The following CPSF4L variants were observed in gnomAD, a reference collection of about 807,000 sequenced individuals.
CPSF4L encodes the protein cleavage and polyadenylation specific factor 4 like.
CPSF4L carries 18 observed loss-of-function variants against 24.0 expected under a neutral mutation model. That is an observed-to-expected ratio of 0.75 (90% CI 0.52 to 1.11). The LOEUF (loss-of-function observed/expected upper bound fraction) is 1.11, where lower values mean the gene tolerates loss of function less well. Among genes scored for constraint, CPSF4L ranks in the 50% least tolerant of loss-of-function variants. CPSF4L has a pLI of 0.00. For missense variants in CPSF4L, 211 were observed against 221.8 expected, an observed-to-expected ratio of 0.95 and a Z score of 0.31; for synonymous variants, 72 against 77.2, an observed-to-expected ratio of 0.93 and a Z score of 0.35.
At chr17:73,247,758 A>G (rs528935120), downstream of CPSF4L, 4 of 163,740 alleles carry the variant, frequency 2.4e-5, no homozygotes, top group East Asian at 5.3e-4. Context: ...CACATATAGT[A>G]GGAAACAACA....
At chr17:73,248,366 C>T (rs893692396), downstream of CPSF4L, 9 of 855,136 alleles carry the variant, frequency 1.1e-5, no homozygotes, top group African/African-American at 1.5e-4. Context: ...ACGTCTCTAA[C>T]ATGATTTACC....
rs896091469 is a variant in CPSF4L at position 73,261,609 on chromosome 17, C to T, written c.103+107G>A. ...CCAGGAGGCAGAGCTTGCAATGAGCCGAGATTGTGCCACTACACTCCAGCC... is the reference window on the plus strand; with the variant it reads ...CCAGGAGGCAGAGCTTGCAATGAGCTGAGATTGTGCCACTACACTCCAGCC... On this transcript the variant is annotated intron_variant, in intron 1 of 5. Coordinates refer to ENST00000344935, the MANE Select transcript of CPSF4L (RefSeq NM_001129885.1). The T allele has an allele frequency of 1.9e-5, 15 of 777,936 alleles. No individual in the cohort carries two copies. The Admixed American group carries it at 2.7e-4, about 14-fold the overall frequency. The allele number at this position is 777,936 out of a possible 1,614,324, so 48.2% of individuals were successfully genotyped here.
chr17:73,262,263 G>A (rs926103539), upstream of CPSF4L: 6 of 155,724 alleles, frequency 3.9e-5, no homozygotes, highest in African/African-American at 1.4e-4. Context: ...AGAGCTGGGG[G>A]TGGTGGGGGT....
At chr17:73,258,642 C>T (rs59066907) in intron 2 of CPSF4L, among the ~76,000 whole-genome samples, 10,463 of 152,182 alleles carry the variant, frequency 0.069, 826 homozygotes, top group African/African-American at 0.19. Flanking sequence ...CCCACTACCA[C>T]ACCTTTGCCC....
At chr17:73,243,692 C>T (rs1478711708), downstream of CPSF4L, among the ~76,000 whole-genome samples, 2 of 152,078 alleles carry the variant, frequency 1.3e-5, no homozygotes, top group Non-Finnish European at 2.9e-5. Context: ...CCATGCCTGG[C>T]TAACTTTGTT....
downstream of CPSF4L, among the ~76,000 whole-genome samples, chr17:73,243,716 T>C (rs1483023624): frequency 6.6e-6 from 1 of 152,032 alleles, no homozygotes; most frequent in South Asian, 2.1e-4. Context: ...GTATTTTTAG[T>C]AGAGACAGGG....
At chr17:73,243,289 G>A in the CPSF4L span, 6 of 400,904 alleles carry the variant, frequency 1.5e-5, no homozygotes, top group East Asian at 2.4e-4. Flanking sequence ...CGAGTAGCTG[G>A]GATTATAGGC....
At chr17:73,262,008 G>A (rs917296757), upstream of CPSF4L, 9 of 590,718 alleles carry the variant, frequency 1.5e-5, no homozygotes, top group African/African-American at 9.3e-5. Context: ...TGCCTCACCC[G>A]GCCCACCCAG....
chr17:73,245,859 C>T (rs146850232), downstream of CPSF4L: 1 of 418,742 alleles, frequency 2.4e-6, no homozygotes, highest in Non-Finnish European at 3.2e-6. Flanking sequence ...TGTATCATCT[C>T]TTCCTGGAAA....
the CPSF4L span, chr17:73,242,368 A>T: frequency 1.5e-4 from 225 of 1,507,184 alleles, no homozygotes; most frequent in African/African-American, 2.8e-3. Flanking sequence ...CTGGAGTTTG[A>T]CTGTTGTCTT....
At chr17:73,245,358 G>A (rs897793831), downstream of CPSF4L, 2 of 1,358,634 alleles carry the variant, frequency 1.5e-6, no homozygotes. Flanking sequence ...GATACAGGAA[G>A]TAAACGTATT....
chr17:73,242,620 C>G, the CPSF4L span, among the ~76,000 whole-genome samples: 1 of 152,164 alleles, frequency 6.6e-6, no homozygotes, highest in East Asian at 1.9e-4. Context: ...TGTGCCTCCT[C>G]CCAAAGCCAG....
chr17:73,261,489 G>A (rs1471120221), intron 1 of CPSF4L, among the ~76,000 whole-genome samples: 5 of 152,036 alleles, frequency 3.3e-5, no homozygotes, highest in South Asian at 2.1e-4. Context: ...GTGAAACCCG[G>A]TCTCTACTAA....
chr17:73,247,934 C>T (rs755001108), downstream of CPSF4L: 2 of 154,344 alleles, frequency 1.3e-5, no homozygotes, highest in African/African-American at 2.4e-5. Flanking sequence ...TTGCTGCCAC[C>T]TGGGTTGGGA....
chr17:73,246,682 TG>T (rs2061954977), downstream of CPSF4L, among the ~76,000 whole-genome samples: 1 of 152,222 alleles, frequency 6.6e-6, no homozygotes, highest in Admixed American at 6.5e-5. Context: ...CCATCCCTAG[TG>T]GGAGTAATTT....
Position 73,248,481 on chromosome 17 carries a change from T to A in CPSF4L, c.*13A>T. The A allele has an allele frequency of 6.4e-7, 1 of 1,551,354 alleles. No individual in the cohort carries two copies. The highest frequency in any genetic ancestry group is 8.7e-7 in the Non-Finnish European group (1 of 1,146,698). On this transcript the variant is annotated 3_prime_UTR_variant, in exon 6 of 6. Coordinates refer to ENST00000344935, the MANE Select transcript of CPSF4L (RefSeq NM_001129885.1). Reference sequence around the variant, plus strand: ...TGTGGCATTGGAGTGCCCCGCTAGGTAAGAAGCAACGCTTAGATCTTGCTT... The same window carrying A: ...TGTGGCATTGGAGTGCCCCGCTAGGAAAGAAGCAACGCTTAGATCTTGCTT...
chr17:73,258,750 C>T lies in CPSF4L; in HGVS notation c.155-917G>A, dbSNP rs554761541. On this transcript the variant is annotated intron_variant, in intron 2 of 5. Transcript: ENST00000344935. ...TTCATTCCCAGAGTGCCTAACACCC[C>T]CTCTCGTCCTGCCAGGGAGCGGGGC... 1.1e-4 allele frequency among the ~76,000 whole-genome samples: 17 copies of T among 152,328 alleles called. No homozygotes were observed. The South Asian group carries it at 3.5e-3, about 32-fold the overall frequency.
the CPSF4L span, chr17:73,242,139 A>G: frequency 1.5e-6 from 1 of 656,352 alleles, no homozygotes; most frequent in Non-Finnish European, 2.6e-6. Context: ...ACCTGTTTAG[A>G]ATATGCTCTT....
Position 73,257,728 on chromosome 17 carries a change from T to C in CPSF4L, c.260A>G (p.Gln87Arg), listed in dbSNP as rs1273185984. 5 of 1,551,712 alleles carry C rather than the reference T, an allele frequency of 3.2e-6. No individual in the cohort carries two copies. The highest frequency in any genetic ancestry group is 1.7e-4 in the Middle Eastern group (1 of 5,994). ...CTCAGGCATCCTGGTGAGGTCATAC[T>C]GGTGCAGGAACTTGCAGTGATCACC... ...KKGDHCKFLH[Q>R]YDLTRMPECY... Residue 87 changes from glutamine to arginine, a missense_variant, in exon 3 of 6, where the codon CAG becomes CGG. Physicochemically the swap from Gln to Arg is conservative, Grantham distance 43. Transcript: ENST00000344935.
Sources: allele counts gnomAD v4.1 joint callset (sites outside exome capture counted in the v4.1 genomes callset), GRCh38; gene constraint gnomAD v4.1.1; transcripts MANE v1.5; gene names NCBI Gene and HGNC (gene_info 2026-07-23, HGNC 2026-07-21).